The following UNC13C variants were observed in gnomAD, a reference collection of about 807,000 sequenced individuals.
UNC13C encodes unc-13 homolog C.
In UNC13C, 174 loss-of-function variants were observed where a neutral mutation model predicts 245.4. The observed-to-expected ratio is 0.71, with a 90% CI of 0.63 to 0.80. The LOEUF (loss-of-function observed/expected upper bound fraction) is 0.80. UNC13C is among the 30% of genes least tolerant of loss of function. The pLI, the probability that UNC13C is intolerant of heterozygous loss-of-function variation, is 0.00. For synonymous variants in UNC13C, 992 were observed against 895.1 expected (o/e 1.11, Z -1.93); for missense variants, 2,829 against 2,602.9 (o/e 1.09, Z -1.89).
chr15:53,928,093 C>T, the UNC13C span, among the ~76,000 whole-genome samples: 2 of 150,510 alleles, frequency 1.3e-5, no homozygotes, highest in Admixed American at 1.3e-4. Context: ...GACCCTAACC[C>T]AGTGGCGCTA....
At chr15:54,364,978 G>A (rs1299732887) in intron 17 of UNC13C, among the ~76,000 whole-genome samples, 2 of 152,278 alleles carry the variant, frequency 1.3e-5, no homozygotes, top group Non-Finnish European at 2.9e-5. Context: ...TATGTCTATG[G>A]CAATAGCTCT....
chr15:54,134,583 G>T (rs1048660861), intron 2 of UNC13C, among the ~76,000 whole-genome samples: 14 of 151,952 alleles, frequency 9.2e-5, no homozygotes, highest in Admixed American at 1.3e-4. Flanking sequence ...GCAGTGGCGC[G>T]ATCTCAGCTC....
chr15:54,239,187 A>G (rs888373040), intron 7 of UNC13C, among the ~76,000 whole-genome samples: 4 of 152,160 alleles, frequency 2.6e-5, no homozygotes, highest in African/African-American at 9.7e-5. Flanking sequence ...TCTGTAACTT[A>G]ACATTTAAAC....
chr15:54,013,307 G>A lies in UNC13C; in HGVS notation c.404G>A (p.Arg135Lys), dbSNP rs1197982036. ...SSYSESLNELRSSTENQAQST... is the reference protein window; with the variant it reads ...SSYSESLNELKSSTENQAQST... ...TACTCAGAATCATTAAATGAACTAA[G>A]GAGTAGCACAGAAAACCAGGCACAA... Residue 135 changes from arginine to lysine, a missense_variant, in exon 2 of 33, where the codon AGG becomes AAG. Coordinates refer to ENST00000260323, the MANE Select transcript of UNC13C (RefSeq NM_001080534.3). The A allele has an allele frequency of 3.1e-6, 5 of 1,613,672 alleles. No homozygotes were observed. The highest frequency in any genetic ancestry group is 4.2e-6 in the Non-Finnish European group (5 of 1,179,844).
intron 2 of UNC13C, among the ~76,000 whole-genome samples, chr15:54,109,135 A>G (rs1259799036): frequency 1.3e-5 from 2 of 152,074 alleles, no homozygotes; most frequent in African/African-American, 2.4e-5. Context: ...AATGTTTTTC[A>G]TCTGTGCTGT....
At chr15:54,056,568 T>C (rs1008156446) in intron 2 of UNC13C, among the ~76,000 whole-genome samples, 2 of 152,154 alleles carry the variant, frequency 1.3e-5, no homozygotes, top group Non-Finnish European at 2.9e-5. Flanking sequence ...TTCCCCAATC[T>C]AACAAGGCAG....
At chr15:54,155,760 G>C (rs565673998) in intron 4 of UNC13C, among the ~76,000 whole-genome samples, 1 of 152,262 alleles carries the variant, frequency 6.6e-6, no homozygotes, top group East Asian at 1.9e-4. Context: ...TTCTGATTTG[G>C]AGTTCTCAGT....
At chr15:54,424,230 T>C (rs2040711381) in intron 19 of UNC13C, among the ~76,000 whole-genome samples, 1 of 151,852 alleles carries the variant, frequency 6.6e-6, no homozygotes, top group African/African-American at 2.4e-5. Context: ...GTGACTATTT[T>C]TGTAATATTT....
At chr15:54,111,774 C>T (rs1434550676) in intron 2 of UNC13C, among the ~76,000 whole-genome samples, 1 of 152,044 alleles carries the variant, frequency 6.6e-6, no homozygotes, top group Admixed American at 6.5e-5. Flanking sequence ...AGGACCACTC[C>T]AAGGGGGCAG....
At chr15:54,099,311 G>T (rs1427089228) in intron 2 of UNC13C, among the ~76,000 whole-genome samples, 1 of 152,104 alleles carries the variant, frequency 6.6e-6, no homozygotes, top group African/African-American at 2.4e-5. Context: ...CCAGGTCAGG[G>T]TTAAATCTAA....
chr15:54,531,074 C>T (rs145744303), intron 25 of UNC13C, among the ~76,000 whole-genome samples: 1 of 152,022 alleles, frequency 6.6e-6, no homozygotes. Context: ...ATAATAAATC[C>T]TCAGATTTAG....
At chr15:54,056,490 T>C (rs1355861535) in intron 2 of UNC13C, among the ~76,000 whole-genome samples, 1 of 152,192 alleles carries the variant, frequency 6.6e-6, no homozygotes, top group African/African-American at 2.4e-5. Context: ...CTAATTGGTG[T>C]ACCTGAAAGT....
the UNC13C span, among the ~76,000 whole-genome samples, chr15:53,928,948 G>A: frequency 6.6e-6 from 1 of 152,188 alleles, no homozygotes; most frequent in Non-Finnish European, 1.5e-5. Context: ...CATGACAAGA[G>A]TCATGAAAGA....
chr15:54,151,692 C>T (rs1339189612), intron 4 of UNC13C, among the ~76,000 whole-genome samples: 1 of 152,172 alleles, frequency 6.6e-6, no homozygotes, highest in Non-Finnish European at 1.5e-5. Context: ...GAGTGAGCCA[C>T]AGCACCCAGC....
intron 20 of UNC13C, among the ~76,000 whole-genome samples, chr15:54,497,581 A>G (rs756097629): frequency 6.6e-6 from 1 of 152,028 alleles, no homozygotes; most frequent in Non-Finnish European, 1.5e-5. Context: ...AATCAAGTAG[A>G]AAGTGGCCAC....
intron 3 of UNC13C, 149 bp downstream of exon 3, chr15:54,143,189 T>G (rs1229333367): frequency 2.4e-6 from 2 of 819,604 alleles, no homozygotes; most frequent in Non-Finnish European, 3.9e-6. Context: ...GTCCTTTAAG[T>G]GTGCCTCTGA....
At chr15:54,462,271 G>A (rs1376406275) in intron 19 of UNC13C, among the ~76,000 whole-genome samples, 1 of 152,252 alleles carries the variant, frequency 6.6e-6, no homozygotes, top group Non-Finnish European at 1.5e-5. Flanking sequence ...GGATATAAGA[G>A]GGAGTGAAAT....
rs560202057 is a variant in UNC13C, at chr15:54,196,048, C to T, written c.3072-38982C>T. ...AACTTATGAACACTGAAACAGTTCC[C>T]TGTAGTCATCCAAGCAGATTATGTT... On this transcript the variant is annotated intron_variant, in intron 4 of 32. Transcript: ENST00000260323. 2.6e-5 allele frequency among the ~76,000 whole-genome samples: 4 copies of T among 152,154 alleles called. No individual in the cohort carries two copies. In the South Asian group the frequency reaches 6.2e-4, roughly 24 times the overall value.
At chr15:54,294,999 T>C (rs1357716896) in intron 11 of UNC13C, among the ~76,000 whole-genome samples, 1 of 152,216 alleles carries the variant, frequency 6.6e-6, no homozygotes, top group African/African-American at 2.4e-5. Context: ...TTAATTTATC[T>C]GAACACAGAT....
Sources: gnomAD v4.1 joint callset for allele counts (sites outside exome capture counted in the v4.1 genomes callset) on GRCh38, gnomAD v4.1.1 for gene constraint, MANE v1.5 for transcripts, NCBI Gene and HGNC (gene_info 2026-07-23, HGNC 2026-07-21) for gene names.